The following UGT2A1 variants were observed in gnomAD, a reference collection of about 807,000 sequenced individuals.
UGT2A1 encodes the protein UDP-glucuronosyltransferase 2A1.
Under a neutral mutation model 45.4 loss-of-function variants are expected in UGT2A1, and 61 were observed. That is an observed-to-expected ratio of 1.34 (90% confidence interval 1.09 to 1.66). The LOEUF is 1.66. UGT2A1 is among the 40% of genes most tolerant of loss of function. UGT2A1 has a pLI of 0.00. For missense variants in UGT2A1, 649 were observed against 574.3 expected, an observed-to-expected ratio of 1.13 and a Z score of -1.33; for synonymous variants, 229 against 196.2, an observed-to-expected ratio of 1.17 and a Z score of -1.40.
At position 69,599,382 on chromosome 4, in the gene UGT2A1, G is replaced by C. The variant is rs757111881; in HGVS notation, c.860C>G (p.Thr287Arg). 1 of 1,613,218 alleles carries C rather than the reference G, an allele frequency of 6.2e-7. No individual in the cohort carries two copies. Among genetic ancestry groups the C allele is most frequent in the Non-Finnish European group, 8.5e-7 (1 of 1,179,738 alleles). ...DYRLPAGRPTTLCETMGKAEI... is the reference protein window; with the variant it reads ...DYRLPAGRPTRLCETMGKAEI... ...AGCTTTCCCCATAGTCTCACATAAC[G>C]TAGTGGGTCTTCCTGGAGAAAATGT... The change falls in exon 4 of 7, where the codon ACG (threonine) becomes AGG (arginine). Residue 287 changes from threonine to arginine, a missense_variant. By Grantham distance (71) the Thr-to-Arg change is moderately conservative (BLOSUM62 -1). Coordinates refer to ENST00000286604, the MANE Select transcript of UGT2A1 (RefSeq NM_001252275.3).
rs1465227155 is a variant in UGT2A1 at position 69,647,042 on chromosome 4, G to A, written c.603C>T (p.Thr201=). The A allele has an allele frequency of 1.2e-5, 19 of 1,612,782 alleles. No homozygotes were observed. Among genetic ancestry groups the A allele is most frequent in the East Asian group, 6.7e-5 (3 of 44,854 alleles). The change falls in exon 2 of 7, where the codon ACC becomes ACT. Residue 201 remains threonine (T), a synonymous_variant. Coordinates refer to ENST00000286604, the MANE Select transcript of UGT2A1 (RefSeq NM_001252275.3). The part of the protein sequence containing the change: ...SYVPAVLSEL[T]DQMSFTDRIR... ...TTCTGTCAGTGAAAGACATTTGGTC[G>A]GTGAGTTCTGATAAAACAGCAGGAA...
At chr4:69,638,847 A>G (rs1721874102) in intron 2 of UGT2A1, 2 of 1,468,844 alleles carry the variant, frequency 1.4e-6, no homozygotes, top group East Asian at 4.8e-5. Context: ...ATATGACAAT[A>G]AGAATAAATA....
intron 3 of UGT2A1, among the ~76,000 whole-genome samples, chr4:69,611,563 T>TCCAAAAACACAA (rs1560477857): frequency 2.6e-5 from 4 of 152,126 alleles, no homozygotes; most frequent in African/African-American, 9.7e-5. Context: ...TCTCCAAATC[T>TCCAAAAACACAA]GTGTGTTAGC....
chr4:69,607,641 A>G (rs1230305864), intron 3 of UGT2A1, among the ~76,000 whole-genome samples: 1 of 152,166 alleles, frequency 6.6e-6, no homozygotes, highest in Non-Finnish European at 1.5e-5. Context: ...CAACCTACAG[A>G]ATGGGAGAAA....
intron 3 of UGT2A1, among the ~76,000 whole-genome samples, chr4:69,626,130 T>C (rs1238429731): frequency 1.3e-5 from 2 of 151,550 alleles, no homozygotes; most frequent in African/African-American, 2.4e-5. Context: ...TTTTCTGATT[T>C]TACCTTGTTG....
Position 69,640,981 on chromosome 4 carries a change from A to T in UGT2A1, c.716-5159T>A, listed in dbSNP as rs554846596. On this transcript the variant is annotated intron_variant, in intron 2 of 6. Transcript: ENST00000286604. The stretch of plus-strand genomic sequence containing the variant: ...ACTTTCAATAAAAAGTAAAGAAAGC[A>T]AAACATTATAGAAAACATGAACAAA... Among the ~76,000 whole-genome samples, 16 of 152,092 alleles carry T rather than the reference A, an allele frequency of 1.1e-4. No individual in the cohort carries two copies. In the South Asian group the frequency reaches 3.1e-3, roughly 30 times the overall value.
chr4:69,632,050 TATGTG>T (rs1721418034), intron 3 of UGT2A1, among the ~76,000 whole-genome samples: 1 of 152,188 alleles, frequency 6.6e-6, no homozygotes, highest in Non-Finnish European at 1.5e-5. Context: ...ATTGTTCACT[TATGTG>T]ATGTATATTA....
rs1577942885 is a variant in UGT2A1 at position 69,594,465 on chromosome 4, C to T, written c.1304+12G>A. On this transcript the variant is annotated intron_variant, in intron 6 of 6. Transcript: ENST00000286604. ...TAAAGTTAGGCAAGTTTTTAGGAGC[C>T]TTAGTACTTACGAAGGTTCATTAAT... The T allele has an allele frequency of 1.2e-6, 2 of 1,613,780 alleles. No individual in the cohort carries two copies. Among genetic ancestry groups the T allele is most frequent in the Non-Finnish European group, 1.7e-6 (2 of 1,179,896 alleles).
In UGT2A1 at chr4:69,624,618, C is replaced by CT. The variant is rs1314468593; in HGVS notation, c.847+11072dup. Among the ~76,000 whole-genome samples, 10 of 150,454 alleles carry CT rather than the reference C, an allele frequency of 6.6e-5. No individual in the cohort carries two copies. The South Asian group carries it at 8.4e-4, about 13-fold the overall frequency. On this transcript the variant is annotated intron_variant, in intron 3 of 6. Transcript: ENST00000286604. ...GATTTTTTTTAGCTTATTAAATATT[C>CT]TTTTTTTGCTCTACCTTTGTTGTGG...
intron 2 of UGT2A1, among the ~76,000 whole-genome samples, chr4:69,640,296 A>G (rs1721979600): frequency 2.0e-5 from 1 of 50,268 alleles, no homozygotes; most frequent in South Asian, 8.8e-4. Context: ...AAGAAAAATG[A>G]GAGGTGAGAC....
At chr4:69,612,491 G>A (rs914242813) in intron 3 of UGT2A1, among the ~76,000 whole-genome samples, 1 of 151,822 alleles carries the variant, frequency 6.6e-6, no homozygotes, top group Non-Finnish European at 1.5e-5. Context: ...CAAACTATAA[G>A]ACTACAGTAA....
chr4:69,633,322 A>C (rs1721490088), intron 3 of UGT2A1, among the ~76,000 whole-genome samples: 1 of 152,188 alleles, frequency 6.6e-6, no homozygotes, highest in African/African-American at 2.4e-5. Flanking sequence ...AACAATACCA[A>C]GTGTTGATGA....
At chr4:69,599,793 T>G (rs1719161727) in intron 3 of UGT2A1, 1 of 153,424 alleles carries the variant, frequency 6.5e-6, no homozygotes, top group Non-Finnish European at 1.4e-5. Flanking sequence ...GGAGGGAGGA[T>G]TTTTTGTTAG....
intron 3 of UGT2A1, among the ~76,000 whole-genome samples, chr4:69,633,971 C>T (rs1721528113): frequency 6.6e-6 from 1 of 152,214 alleles, no homozygotes; most frequent in African/African-American, 2.4e-5. Flanking sequence ...CCCGGCCGCG[C>T]GCGGTGGCTC....
intron 4 of UGT2A1, 30 bp downstream of exon 4, chr4:69,599,215 AG>A (rs1284519177): frequency 6.3e-7 from 1 of 1,578,134 alleles, no homozygotes; most frequent in Non-Finnish European, 8.6e-7. Flanking sequence ...TATTATGAAG[AG>A]CATAAAATCC....
chr4:69,595,928 C>T (rs186499851), intron 4 of UGT2A1, among the ~76,000 whole-genome samples: 5 of 152,240 alleles, frequency 3.3e-5, no homozygotes, highest in Admixed American at 2.6e-4. Flanking sequence ...AACTTCAAAA[C>T]TTTTGAAAGT....
intron 3 of UGT2A1, among the ~76,000 whole-genome samples, chr4:69,613,065 G>A (rs971772243): frequency 1.3e-5 from 2 of 150,508 alleles, no homozygotes; most frequent in Non-Finnish European, 3.0e-5. Context: ...AAAAAAGACA[G>A]GCAAAAGACA....
At chr4:69,593,989 T>G (rs1323550286) in intron 6 of UGT2A1, among the ~76,000 whole-genome samples, 2 of 150,096 alleles carry the variant, frequency 1.3e-5, no homozygotes, top group Non-Finnish European at 3.0e-5. Context: ...TTGTTTTTTT[T>G]TTTGAGACTG....
chr4:69,630,118 T>C (rs1721302067), intron 3 of UGT2A1, among the ~76,000 whole-genome samples: 3 of 152,202 alleles, frequency 2.0e-5, no homozygotes, highest in African/African-American at 7.2e-5. Context: ...TATTAAAATA[T>C]ATAACTAAAA....
Sources: allele counts gnomAD v4.1 joint callset (sites outside exome capture counted in the v4.1 genomes callset), GRCh38; gene constraint gnomAD v4.1.1; transcripts MANE v1.5; gene names NCBI Gene and HGNC (gene_info 2026-07-23, HGNC 2026-07-21).